The following KCNB2 variants were observed in gnomAD, a reference collection of about 807,000 sequenced individuals.
KCNB2 encodes the protein delayed rectifier potassium channel protein.
Under a neutral mutation model 61.5 loss-of-function variants are expected in KCNB2, and 15 were observed. That is an observed-to-expected ratio of 0.24 (90% confidence interval 0.16 to 0.38). The LOEUF (loss-of-function observed/expected upper bound fraction) is 0.38, where lower values mean the gene tolerates loss of function less well. KCNB2 is among the 10% of genes least tolerant of loss of function. KCNB2 has a pLI of 1.00. For missense variants in KCNB2, 828 were observed against 1,125.2 expected, an observed-to-expected ratio of 0.74 and a Z score of 3.78; for synonymous variants, 457 against 446.0, an observed-to-expected ratio of 1.02 and a Z score of -0.31.
chr8:72,604,075 A>G (rs1585779101), intron 2 of KCNB2, among the ~76,000 whole-genome samples: 1 of 152,212 alleles, frequency 6.6e-6, no homozygotes, highest in East Asian at 1.9e-4. Flanking sequence ...AGTTTGTGGT[A>G]CATTGTTATG....
intron 2 of KCNB2, among the ~76,000 whole-genome samples, chr8:72,851,840 A>AAAAAAAAAAAAAAAAAAAAC (rs1554538995): frequency 2.2e-5 from 3 of 134,460 alleles, no homozygotes; most frequent in Non-Finnish European, 3.1e-5. Flanking sequence ...AAAAAAAAAA[A>AAAAAAAAAAAAAAAAAAAAC]AAAAAAAACA....
intron 2 of KCNB2, among the ~76,000 whole-genome samples, chr8:72,600,153 T>C (rs1231978620): frequency 3.9e-5 from 6 of 152,162 alleles, no homozygotes; most frequent in Non-Finnish European, 8.8e-5. Context: ...CGTATGTTTA[T>C]TGCGGCATTA....
intron 2 of KCNB2, among the ~76,000 whole-genome samples, chr8:72,770,781 T>G (rs1252449446): frequency 6.6e-6 from 1 of 152,272 alleles, no homozygotes. Flanking sequence ...AGAGAGTTTG[T>G]GTTTTCACTT....
At chr8:72,759,630 A>G (rs1262560956) in intron 2 of KCNB2, among the ~76,000 whole-genome samples, 1 of 152,184 alleles carries the variant, frequency 6.6e-6, no homozygotes, top group East Asian at 1.9e-4. Context: ...CACACTAACC[A>G]TTAAAAGTAA....
chr8:72,617,161 A>G (rs1413817599), intron 2 of KCNB2, among the ~76,000 whole-genome samples: 4 of 152,042 alleles, frequency 2.6e-5, no homozygotes, highest in Non-Finnish European at 5.9e-5. Context: ...TCTTTCCTCC[A>G]CTTTTCTTAG....
At chr8:72,893,277 C>A (rs1253628630) in intron 2 of KCNB2, among the ~76,000 whole-genome samples, 1 of 151,918 alleles carries the variant, frequency 6.6e-6, no homozygotes, top group Non-Finnish European at 1.5e-5. Context: ...TGTCCCAAGT[C>A]CTATTACAGT....
intron 2 of KCNB2, among the ~76,000 whole-genome samples, chr8:72,761,858 A>T (rs893650056): frequency 9.9e-5 from 15 of 152,184 alleles, no homozygotes; most frequent in Non-Finnish European, 1.9e-4. Context: ...CTCAGGAGAG[A>T]GCTACTTGCA....
chr8:72,794,144 A>G (rs1808987610), intron 2 of KCNB2, among the ~76,000 whole-genome samples: 1 of 152,196 alleles, frequency 6.6e-6, no homozygotes, highest in Non-Finnish European at 1.5e-5. Context: ...AAGAGAGGCA[A>G]TGGTGGTTTG....
intron 2 of KCNB2, among the ~76,000 whole-genome samples, chr8:72,926,100 G>T (rs868414192): frequency 1.4e-4 from 21 of 152,152 alleles, no homozygotes; most frequent in African/African-American, 5.1e-4. Context: ...TGTCAGGGCT[G>T]GGGGTTGGGG....
intron 2 of KCNB2, among the ~76,000 whole-genome samples, chr8:72,596,815 T>A (rs1241138806): frequency 6.6e-6 from 1 of 152,108 alleles, no homozygotes; most frequent in East Asian, 1.9e-4. Context: ...TTTGGCTACT[T>A]TTTGGGGTTT....
chr8:72,719,748 T>C (rs1807516100), intron 2 of KCNB2, among the ~76,000 whole-genome samples: 1 of 152,140 alleles, frequency 6.6e-6, no homozygotes. Flanking sequence ...ATTTGGCACT[T>C]GCAGTACTTT....
At chr8:72,651,618 T>C (rs1244194572) in intron 2 of KCNB2, among the ~76,000 whole-genome samples, 1 of 152,106 alleles carries the variant, frequency 6.6e-6, no homozygotes, top group Non-Finnish European at 1.5e-5. Flanking sequence ...ATGTGGTTCA[T>C]CCACTATAAA....
At chr8:72,810,194 C>T (rs1563391723) in intron 2 of KCNB2, among the ~76,000 whole-genome samples, 1 of 152,112 alleles carries the variant, frequency 6.6e-6, no homozygotes, top group African/African-American at 2.4e-5. Flanking sequence ...AGGAACTTAC[C>T]GCAGAGGGTT....
intron 2 of KCNB2, among the ~76,000 whole-genome samples, chr8:72,691,376 T>G (rs1479441349): frequency 6.6e-6 from 1 of 152,242 alleles, no homozygotes; most frequent in African/African-American, 2.4e-5. Context: ...GTACTTGAAC[T>G]AATGCCATTT....
chr8:72,546,859 C>G (rs1274367234), intron 1 of KCNB2, among the ~76,000 whole-genome samples: 2 of 152,176 alleles, frequency 1.3e-5, no homozygotes, highest in African/African-American at 4.8e-5. Context: ...TTACCCACAA[C>G]AGATTTTTAA....
At chr8:72,722,900 A>G (rs1807574805) in intron 2 of KCNB2, among the ~76,000 whole-genome samples, 1 of 152,208 alleles carries the variant, frequency 6.6e-6, no homozygotes, top group Non-Finnish European at 1.5e-5. Context: ...CCCTGTTCAC[A>G]TTCTCCTAGT....
At chr8:72,922,838 A>G (rs1282778514) in intron 2 of KCNB2, among the ~76,000 whole-genome samples, 1 of 152,176 alleles carries the variant, frequency 6.6e-6, no homozygotes, top group Non-Finnish European at 1.5e-5. Flanking sequence ...TTAGAAGCTT[A>G]TTTTGTCAAG....
intron 2 of KCNB2, among the ~76,000 whole-genome samples, chr8:72,763,364 A>G (rs1285145420): frequency 1.3e-5 from 2 of 151,908 alleles, no homozygotes; most frequent in South Asian, 2.1e-4. Flanking sequence ...GGCAATTACA[A>G]CAAGCACCGA....
chr8:72,882,556 A>AGAGAGAGAGAGAG (rs10691208), intron 2 of KCNB2, among the ~76,000 whole-genome samples: 157 of 142,566 alleles, frequency 1.1e-3, no homozygotes, highest in Non-Finnish European at 1.5e-3. Context: ...AGAGAGAGAG[A>AGAGAGAGAGAGAG]ATGTGTGTCT....
Sources: gnomAD v4.1 joint callset for allele counts (sites outside exome capture counted in the v4.1 genomes callset) on GRCh38, gnomAD v4.1.1 for gene constraint, MANE v1.5 for transcripts, NCBI Gene and HGNC (gene_info 2026-07-23, HGNC 2026-07-21) for gene names.